Variants in ADGRG7 observed in about 807,000 individuals in gnomAD.
ADGRG7 encodes G-protein coupled receptor 128.
ADGRG7 carries 82 observed loss-of-function variants against 88.6 expected under a neutral mutation model. The observed-to-expected ratio is 0.93, with a 90% CI of 0.77 to 1.11. ADGRG7 has a LOEUF of 1.11. Ranked by LOEUF, ADGRG7 falls within the 50% of genes most tolerant of loss-of-function variation. The pLI is 0.00. For synonymous variants in ADGRG7, 381 were observed against 345.2 expected (o/e 1.10, Z -1.15); for missense variants, 945 against 953.4 (o/e 0.99, Z 0.12).
At chr3:100,671,575 C>G (rs2094958708) in intron 15 of ADGRG7, among the ~76,000 whole-genome samples, 1 of 152,156 alleles carries the variant, frequency 6.6e-6, no homozygotes, top group South Asian at 2.1e-4. Flanking sequence ...TCCCATTTGT[C>G]AATTTTGGCT....
intron 14 of ADGRG7, among the ~76,000 whole-genome samples, chr3:100,667,178 A>G (rs2094952964): frequency 6.6e-6 from 1 of 151,974 alleles, no homozygotes; most frequent in African/African-American, 2.4e-5. Context: ...ACACCTGGTT[A>G]ATTTTTTTTT....
intron 8 of ADGRG7, among the ~76,000 whole-genome samples, chr3:100,645,219 T>C (rs1376546297): frequency 1.3e-5 from 2 of 152,258 alleles, no homozygotes; most frequent in East Asian, 3.8e-4. Context: ...CTGGTTCTCT[T>C]TGACTGCTGC....
chr3:100,654,487 G>A (rs1204911387), intron 11 of ADGRG7: 1 of 177,202 alleles, frequency 5.6e-6, no homozygotes. Flanking sequence ...TTAAATCAAG[G>A]TACAGGCCAG....
intron 15 of ADGRG7, among the ~76,000 whole-genome samples, chr3:100,685,901 G>C (rs891929976): frequency 5.9e-5 from 9 of 152,016 alleles, no homozygotes; most frequent in African/African-American, 1.9e-4. Context: ...GTAATGGGAT[G>C]GCTGGGTCAA....
chr3:100,643,383 T>C lies in ADGRG7; in HGVS notation c.816T>C (p.Asn272=). 6.2e-7 allele frequency: 1 copy of C among 1,614,016 alleles called. No individual in the cohort carries two copies. Among genetic ancestry groups the C allele is most frequent in the Non-Finnish European group, 8.5e-7 (1 of 1,179,926 alleles). The change falls in exon 7 of 16, where the codon AAT becomes AAC. Residue 272 remains asparagine, a synonymous_variant. Coordinates refer to ENST00000273352, the MANE Select transcript of ADGRG7 (RefSeq NM_032787.3). ...FSSENAVGPS[N]VRFSVQKGAS... ...CAGAAAATGCGGTGGGGCCTTCAAA[T>C]GTTCGCTTCTCTGTGCAGAAAGGTG...
chr3:100,688,632 G>A (rs925254357), intron 15 of ADGRG7, among the ~76,000 whole-genome samples: 1 of 152,120 alleles, frequency 6.6e-6, no homozygotes, highest in Admixed American at 6.5e-5. Flanking sequence ...ATTTCATTAT[G>A]TACCCAGTAT....
intron 1 of ADGRG7, among the ~76,000 whole-genome samples, chr3:100,625,360 G>A (rs1707367324): frequency 1.3e-5 from 2 of 152,148 alleles, no homozygotes; most frequent in Admixed American, 1.3e-4. Flanking sequence ...GTATAGTTGT[G>A]CTTGTGATTT....
At chr3:100,627,694 T>G (rs1346581869) in intron 1 of ADGRG7, among the ~76,000 whole-genome samples, 1 of 152,188 alleles carries the variant, frequency 6.6e-6, no homozygotes, top group Non-Finnish European at 1.5e-5. Flanking sequence ...GTTGGATACT[T>G]TCAGGATTTT....
intron 15 of ADGRG7, among the ~76,000 whole-genome samples, chr3:100,685,190 A>T (rs1245395525): frequency 6.6e-6 from 1 of 152,116 alleles, no homozygotes; most frequent in African/African-American, 2.4e-5. Flanking sequence ...ATTAATGAGG[A>T]CTTTTCTAGC....
intron 13 of ADGRG7, among the ~76,000 whole-genome samples, chr3:100,657,992 A>G (rs894960030): frequency 6.6e-6 from 1 of 152,216 alleles, no homozygotes; most frequent in Non-Finnish European, 1.5e-5. Context: ...AATTAATTGA[A>G]TGCCAAATAT....
intron 4 of ADGRG7, among the ~76,000 whole-genome samples, chr3:100,634,461 T>A (rs953946904): frequency 1.3e-5 from 2 of 152,232 alleles, no homozygotes; most frequent in Admixed American, 1.3e-4. Context: ...GGTATTAATG[T>A]ACACATTTTA....
Position 100,635,730 on chromosome 3 carries a change from A to G in ADGRG7, c.501A>G (p.Leu167=), listed in dbSNP as rs1449110145. ...ACATTTCTTCTGAAGTCCAGATTTT[A>G]ACATCTGATGCCAATAAATTAACTG... ...LNNISSEVQI[L]TSDANKLTAE... is the part of the protein sequence containing the mutation. Residue 167 remains leucine, a synonymous_variant, in exon 5 of 16, where the codon TTA becomes TTG. Transcript: ENST00000273352. The G allele has an allele frequency of 3.1e-6, 5 of 1,614,062 alleles. No individual in the cohort carries two copies. Among genetic ancestry groups the G allele is most frequent in the Non-Finnish European group, 4.2e-6 (5 of 1,179,932 alleles).
chr3:100,664,384 A>G (rs1250974060), intron 14 of ADGRG7, among the ~76,000 whole-genome samples: 1 of 152,138 alleles, frequency 6.6e-6, no homozygotes, highest in Non-Finnish European at 1.5e-5. Flanking sequence ...CAACCCACCA[A>G]TTTCTAAGAC....
At chr3:100,634,449 T>C (rs1381749933) in intron 4 of ADGRG7, among the ~76,000 whole-genome samples, 1 of 152,224 alleles carries the variant, frequency 6.6e-6, no homozygotes, top group Non-Finnish European at 1.5e-5. Context: ...ACACCATAAA[T>C]AGGTATTAAT....
In ADGRG7 at chr3:100,655,856, G is replaced by T. The variant is rs184551225; in HGVS notation, c.1727-43G>T. 3 of 1,110,448 alleles carry T rather than the reference G, an allele frequency of 2.7e-6. No individual in the cohort carries two copies. The African/African-American group carries it at 4.6e-5, about 17-fold the overall frequency. 68.8% of individuals were successfully genotyped at this position (1,110,448 alleles called of 1,614,324 possible). A position where few individuals can be genotyped will look rare whatever the true frequency, so the allele number is the denominator to read the frequency against. On this transcript the variant is annotated intron_variant, in intron 12 of 15. Coordinates refer to ENST00000273352, the MANE Select transcript of ADGRG7 (RefSeq NM_032787.3). ...GTATGATCTTTTATAATTAATCCAA[G>T]TCTGGATAAATCATTAATTATGTGC...
intron 1 of ADGRG7, among the ~76,000 whole-genome samples, chr3:100,618,641 C>T (rs1707261034): frequency 6.6e-6 from 1 of 152,098 alleles, no homozygotes; most frequent in African/African-American, 2.4e-5. Context: ...AGTTTGAAGT[C>T]AGGTAGCGTG....
intron 15 of ADGRG7, among the ~76,000 whole-genome samples, chr3:100,670,520 C>T (rs2094957047): frequency 6.6e-6 from 1 of 152,172 alleles, no homozygotes; most frequent in Non-Finnish European, 1.5e-5. Context: ...GGATATATAT[C>T]TAGCAGTAGG....
rs976991115 is a variant in ADGRG7, at chr3:100,629,540, T to C, written c.116-58T>C. 2.5e-6 allele frequency: 3 copies of C among 1,216,328 alleles called. No individual in the cohort carries two copies. The African/African-American group carries it at 4.5e-5, about 18-fold the overall frequency. The allele number at this position is 1,216,328 out of a possible 1,614,324, so 75.3% of individuals were successfully genotyped here. A position where few individuals can be genotyped will look rare whatever the true frequency, so the allele number is the denominator to read the frequency against. ...TGTAGAAATTAAGTGGCCACAGGCA[T>C]GAAAGGAGAAATGAATCAGCCAGTT... is the stretch of plus-strand genomic sequence containing the variant. On this transcript the variant is annotated intron_variant, in intron 1 of 15. Coordinates refer to ENST00000273352, the MANE Select transcript of ADGRG7 (RefSeq NM_032787.3).
chr3:100,619,656 G>T (rs182225267), intron 1 of ADGRG7, among the ~76,000 whole-genome samples: 2 of 151,908 alleles, frequency 1.3e-5, no homozygotes, highest in Non-Finnish European at 2.9e-5. Flanking sequence ...TTGAAAGACA[G>T]CTAGCAAGAC....
Sources: gnomAD v4.1 joint callset for allele counts (sites outside exome capture counted in the v4.1 genomes callset) on GRCh38, gnomAD v4.1.1 for gene constraint, MANE v1.5 for transcripts, NCBI Gene and HGNC (gene_info 2026-07-23, HGNC 2026-07-21) for gene names.